ERBB4: variants seen among roughly 807,000 people sequenced by gnomAD.
The protein encoded by ERBB4 is receptor tyrosine-protein kinase erbB-4.
A neutral mutation model predicts 158.0 loss-of-function variants in ERBB4; 42 were observed. The ratio of observed to expected loss-of-function variants is 0.27; its 90% CI spans 0.21 to 0.34. ERBB4 has a LOEUF of 0.34. ERBB4 is among the 10% of genes least tolerant of loss of function. The pLI is 1.00. For synonymous variants in ERBB4, 583 were observed against 558.7 expected, an observed-to-expected ratio of 1.04 and a Z score of -0.61; for missense variants, 1,333 against 1,624.1, an observed-to-expected ratio of 0.82 and a Z score of 3.08.
intron 3 of ERBB4, among the ~76,000 whole-genome samples, chr2:211,828,302 G>T (rs36112432): frequency 0.23 from 35,216 of 151,958 alleles, 4,224 homozygotes; most frequent in South Asian, 0.33. Context: ...ACGTATTAAC[G>T]AGGATGGTTG....
intron 1 of ERBB4, among the ~76,000 whole-genome samples, chr2:212,312,852 A>C (rs974279198): frequency 6.6e-6 from 1 of 150,916 alleles, no homozygotes; most frequent in Non-Finnish European, 1.5e-5. Context: ...TAGTATTAAT[A>C]AGGAAAAAAA....
At chr2:211,403,262 C>G (rs1410304572) in intron 25 of ERBB4, among the ~76,000 whole-genome samples, 1 of 152,106 alleles carries the variant, frequency 6.6e-6, no homozygotes, top group Admixed American at 6.6e-5. Flanking sequence ...AATATTTCAT[C>G]TAATGGAGAA....
intron 3 of ERBB4, among the ~76,000 whole-genome samples, chr2:211,943,494 G>A (rs1431021667): frequency 6.6e-6 from 1 of 152,006 alleles, no homozygotes; most frequent in East Asian, 1.9e-4. Context: ...ATGGCCTCAA[G>A]ATAGAGATGA....
At chr2:212,112,522 G>A (rs1213067803) in intron 2 of ERBB4, among the ~76,000 whole-genome samples, 2 of 151,774 alleles carry the variant, frequency 1.3e-5, no homozygotes, top group East Asian at 1.9e-4. Flanking sequence ...TAACAAATGG[G>A]TCATTGGTAA....
chr2:212,035,054 G>A (rs1334035245), intron 2 of ERBB4, among the ~76,000 whole-genome samples: 1 of 152,156 alleles, frequency 6.6e-6, no homozygotes, highest in Non-Finnish European at 1.5e-5. Context: ...ATACGATGAT[G>A]TTCATTCAGA....
rs534350036 is a variant in ERBB4, at chr2:212,241,287, T to A, written c.83-116384A>T. Among the ~76,000 whole-genome samples the A allele has an allele frequency of 9.9e-5, 15 of 151,846 alleles. No individual in the cohort carries two copies. The East Asian group carries it at 2.3e-3, about 23-fold the overall frequency. Reference sequence around the variant, plus strand: ...TAAAAAAATAAAAAAATAAAAAAAATTTTAAAACCATTCAAACAGTAGGGA... The same window carrying A: ...TAAAAAAATAAAAAAATAAAAAAAAATTTAAAACCATTCAAACAGTAGGGA... On this transcript the variant is annotated intron_variant, in intron 1 of 27. Coordinates refer to ENST00000342788, the MANE Select transcript of ERBB4 (RefSeq NM_005235.3).
chr2:212,240,662 A>AAAAAAAAAAAACAAAAAC (rs1559823282), intron 1 of ERBB4, among the ~76,000 whole-genome samples: 5 of 147,450 alleles, frequency 3.4e-5, no homozygotes, highest in African/African-American at 1.3e-4. Flanking sequence ...AAAAAAAAAA[A>AAAAAAAAAAAACAAAAAC]AAAAACAGAA....
chr2:211,822,161 A>G (rs2077009871), intron 3 of ERBB4, among the ~76,000 whole-genome samples: 1 of 151,878 alleles, frequency 6.6e-6, no homozygotes, highest in South Asian at 2.1e-4. Flanking sequence ...GGGGAAAGAG[A>G]GGGATGAGGA....
chr2:211,626,947 T>TA (rs1160819132), intron 17 of ERBB4, among the ~76,000 whole-genome samples: 2 of 34,256 alleles, frequency 5.8e-5, no homozygotes, highest in African/African-American at 7.6e-5. Context: ...TAAAAATAAA[T>TA]AAAAAAAATA....
At chr2:211,837,568 C>G (rs1164432929) in intron 3 of ERBB4, among the ~76,000 whole-genome samples, 1 of 152,038 alleles carries the variant, frequency 6.6e-6, no homozygotes, top group African/African-American at 2.4e-5. Context: ...GGTTTAAAAT[C>G]ATAGACTCTC....
chr2:211,696,986 T>A (rs181501328), intron 12 of ERBB4, among the ~76,000 whole-genome samples: 1 of 152,286 alleles, frequency 6.6e-6, no homozygotes, highest in Admixed American at 6.5e-5. Context: ...TTCTTTATTT[T>A]GAGAGGAATC....
chr2:212,459,480 T>C (rs1445097563), intron 1 of ERBB4, among the ~76,000 whole-genome samples: 1 of 152,090 alleles, frequency 6.6e-6, no homozygotes, highest in Admixed American at 6.6e-5. Context: ...CATACCATAT[T>C]CATGAATTGA....
At chr2:212,453,178 A>G (rs1688092858) in intron 1 of ERBB4, among the ~76,000 whole-genome samples, 1 of 152,224 alleles carries the variant, frequency 6.6e-6, no homozygotes, top group Non-Finnish European at 1.5e-5. Flanking sequence ...ATGATAATCA[A>G]GTATCAAGCA....
chr2:212,328,716 G>C (rs1021516654), intron 1 of ERBB4, among the ~76,000 whole-genome samples: 9 of 151,924 alleles, frequency 5.9e-5, no homozygotes, highest in African/African-American at 2.2e-4. Context: ...AGAAATTTAT[G>C]CAAGAAATCT....
chr2:212,037,399 T>C (rs1036791327), intron 2 of ERBB4, among the ~76,000 whole-genome samples: 1 of 152,186 alleles, frequency 6.6e-6, no homozygotes, highest in Non-Finnish European at 1.5e-5. Flanking sequence ...AAGCACCAAC[T>C]GGATAATGAG....
At chr2:212,322,859 G>A (rs1462188495) in intron 1 of ERBB4, among the ~76,000 whole-genome samples, 1 of 150,142 alleles carries the variant, frequency 6.7e-6, no homozygotes, top group South Asian at 2.1e-4. Flanking sequence ...CACCAGAATA[G>A]TGTTTCATTT....
Position 211,424,164 on chromosome 2 carries a change from T to G in ERBB4, c.2857A>C (p.Met953Leu). The stretch of plus-strand genomic sequence containing the variant: ...TATTTTGCAGTCTTACATTTGACCA[T>G]GACCATGTAAACGTCAATAGTGCAG... Reference protein sequence around the residue: ...PICTIDVYMVMVKCWMIDADS... With the variant: ...PICTIDVYMVLVKCWMIDADS... The change falls in exon 23 of 28, where the codon ATG (methionine) becomes CTG (leucine). Residue 953 changes from methionine (M) to leucine (L), a missense_variant. Physicochemically the swap from Met to Leu is conservative, Grantham distance 15 (BLOSUM62 2). Around this residue, in one of 5 missense-constraint regions of ERBB4, gnomAD observed 314 missense variants for 437.6 expected, o/e 0.72. Transcript: ENST00000342788. 1 of 1,613,296 alleles carries G rather than the reference T, an allele frequency of 6.2e-7. No homozygotes were observed. The highest frequency in any genetic ancestry group is 2.2e-5 in the East Asian group (1 of 44,836).
rs2125872617 is a variant in ERBB4, at chr2:211,630,497, T to C, written c.2044A>G (p.Lys682Glu). 1 of 1,613,598 alleles carries C rather than the reference T, an allele frequency of 6.2e-7. No homozygotes were observed. The part of the protein sequence containing the change: ...AVYVRRKSIK[K>E]KRALRRFLET... ...AAGAATCTTCTCAAGGCTCTTTTCTTTTTGATGCTCTTCCTTCTAACATAA... is the reference window on the plus strand; with the variant it reads ...AAGAATCTTCTCAAGGCTCTTTTCTCTTTGATGCTCTTCCTTCTAACATAA... Residue 682 changes from lysine (K) to glutamate (E), a missense_variant, in exon 17 of 28, where the codon AAG becomes GAG. Lys to Glu is a moderately conservative substitution (Grantham distance 56). Coordinates refer to ENST00000342788, the MANE Select transcript of ERBB4 (RefSeq NM_005235.3).
chr2:212,501,560 T>C (rs1264517688), intron 1 of ERBB4, among the ~76,000 whole-genome samples: 1 of 152,162 alleles, frequency 6.6e-6, no homozygotes, highest in Non-Finnish European at 1.5e-5. Flanking sequence ...AAAAGAAATT[T>C]TCAGGATTTT....
Sources: allele counts gnomAD v4.1 joint callset (sites outside exome capture counted in the v4.1 genomes callset), GRCh38; gene constraint gnomAD v4.1.1; regional missense constraint gnomAD v4.1.1; transcripts MANE v1.5; gene names NCBI Gene and HGNC (gene_info 2026-07-23, HGNC 2026-07-21).